The following ANKRD28 variants were observed in gnomAD, a reference collection of about 807,000 sequenced individuals.
ANKRD28 encodes the protein serine/threonine-protein phosphatase 6 regulatory ankyrin repeat subunit A.
Under a neutral mutation model 126.5 loss-of-function variants are expected in ANKRD28, and 44 were observed. The observed-to-expected ratio is 0.35, with a 90% CI of 0.27 to 0.45. The LOEUF is 0.45. Ranked by LOEUF, ANKRD28 falls within the 20% of genes least tolerant of loss-of-function variation. The pLI, the probability that ANKRD28 is intolerant of heterozygous loss-of-function variation, is 1.00. For missense variants in ANKRD28, 1,110 were observed against 1,316.6 expected (o/e 0.84, Z 2.43); for synonymous variants, 442 against 468.5 (o/e 0.94, Z 0.73).
intron 4 of ANKRD28, among the ~76,000 whole-genome samples, chr3:15,751,197 A>G: frequency 6.6e-6 from 1 of 152,218 alleles, no homozygotes; most frequent in East Asian, 1.9e-4. Flanking sequence ...GCAAATAATG[A>G]ACATTTTCTA....
At chr3:15,811,597 G>GTA (rs1273784170) in intron 1 of ANKRD28, among the ~76,000 whole-genome samples, 2 of 151,964 alleles carry the variant, frequency 1.3e-5, no homozygotes, top group African/African-American at 4.8e-5. Flanking sequence ...TGGGACTGCA[G>GTA]GTGCACGCCA....
At chr3:15,805,227 A>C (rs1301710696) in intron 1 of ANKRD28, among the ~76,000 whole-genome samples, 2 of 115,538 alleles carry the variant, frequency 1.7e-5, no homozygotes, top group African/African-American at 7.1e-5. Context: ...GAATACACCT[A>C]ATATGCCAAA....
chr3:15,768,230 A>G (rs1304421700), intron 2 of ANKRD28, among the ~76,000 whole-genome samples: 1 of 152,226 alleles, frequency 6.6e-6, no homozygotes, highest in Non-Finnish European at 1.5e-5. Context: ...TTCATTTTGT[A>G]ATAATTTTCT....
chr3:15,682,916 C>A (rs2067691648), intron 21 of ANKRD28, among the ~76,000 whole-genome samples: 1 of 152,196 alleles, frequency 6.6e-6, no homozygotes. Context: ...GGCTGAAAAT[C>A]AGACACATTT....
chr3:15,728,762 G>A (rs145182978), intron 6 of ANKRD28, among the ~76,000 whole-genome samples: 207 of 152,294 alleles, frequency 1.4e-3, no homozygotes, highest in African/African-American at 4.8e-3. Context: ...TCTTCAGAAT[G>A]TTAGCTCTTT....
chr3:15,750,346 AACATT>A (rs2057780957), intron 4 of ANKRD28, among the ~76,000 whole-genome samples: 1 of 152,252 alleles, frequency 6.6e-6, no homozygotes, highest in African/African-American at 2.4e-5. Context: ...CAAAATTAAT[AACATT>A]ACAATGGAAT....
chr3:15,783,031 GT>G (rs922073310), intron 2 of ANKRD28, among the ~76,000 whole-genome samples: 3 of 150,852 alleles, frequency 2.0e-5, no homozygotes, highest in Non-Finnish European at 3.0e-5. Context: ...CAATGGGACA[GT>G]TTTTTTTTAA....
intron 3 of ANKRD28, among the ~76,000 whole-genome samples, chr3:15,755,663 A>AC (rs1403857585): frequency 6.6e-6 from 1 of 152,202 alleles, no homozygotes; most frequent in Non-Finnish European, 1.5e-5. Flanking sequence ...GAGAAACCAT[A>AC]CCCACTTAAA....
At position 15,670,362 on chromosome 3, in the gene ANKRD28, A is replaced by G; in HGVS notation, c.3160T>C (p.Ser1054Pro). Residue 1054 changes from serine to proline, a missense_variant, in exon 28 of 28, where the codon TCC becomes CCC. Coordinates refer to ENST00000683139, the MANE Select transcript of ANKRD28 (RefSeq NM_001349278.2). ...CCAATGTTATTGAAACTGCAATAGG[A>G]GCTAGGTTCATTCCTCATGATGGGC... ...ALPIMRNEPS[S>P]YCSFNNIGGE... The G allele has an allele frequency of 1.2e-6, 2 of 1,613,956 alleles. No individual in the cohort carries two copies. Among genetic ancestry groups the G allele is most frequent in the Non-Finnish European group, 1.7e-6 (2 of 1,179,836 alleles).
chr3:15,768,940 G>A (rs1382033822), intron 2 of ANKRD28, among the ~76,000 whole-genome samples: 4 of 152,148 alleles, frequency 2.6e-5, no homozygotes, highest in Admixed American at 2.0e-4. Context: ...TGTTGAAAGA[G>A]CTAACACAGA....
intron 21 of ANKRD28, among the ~76,000 whole-genome samples, chr3:15,680,951 G>A (rs1008903528): frequency 3.3e-5 from 5 of 152,158 alleles, no homozygotes; most frequent in African/African-American, 4.8e-5. Context: ...ACAGGCATAA[G>A]CCACCACGGC....
Position 15,814,235 on chromosome 3 carries a change from C to T in ANKRD28, c.28-18929G>A. 1 of 1,231,198 alleles carries T rather than the reference C, an allele frequency of 8.1e-7. No homozygotes were observed. Among genetic ancestry groups the T allele is most frequent in the Non-Finnish European group, 1.0e-6 (1 of 966,270 alleles). 76.3% of individuals were successfully genotyped at this position (1,231,198 alleles called of 1,614,324 possible). Reference sequence around the variant, plus strand: ...ACTGCAAGAGACTACTAGAAAATAACCTACCATAATAGGAATTCCCATACT... The same window carrying T: ...ACTGCAAGAGACTACTAGAAAATAATCTACCATAATAGGAATTCCCATACT... On this transcript the variant is annotated intron_variant, in intron 1 of 27. Transcript: ENST00000399451. The surrounding 1 kb of genome is among the most constrained non-coding windows in gnomAD (Gnocchi z 4.7).
chr3:15,698,326 G>C (rs1195966084), intron 14 of ANKRD28, among the ~76,000 whole-genome samples: 1 of 152,096 alleles, frequency 6.6e-6, no homozygotes, highest in Non-Finnish European at 1.5e-5. Context: ...TTGAAAACTG[G>C]CACAAGACAG....
At chr3:15,744,594 G>C (rs1424973831) in intron 4 of ANKRD28, among the ~76,000 whole-genome samples, 1 of 151,890 alleles carries the variant, frequency 6.6e-6, no homozygotes, top group Non-Finnish European at 1.5e-5. Flanking sequence ...TGGGATTCCA[G>C]GCGTGAGCCA....
intron 4 of ANKRD28, among the ~76,000 whole-genome samples, chr3:15,740,708 G>A (rs907312543): frequency 2.0e-5 from 3 of 152,188 alleles, no homozygotes; most frequent in Non-Finnish European, 4.4e-5. Flanking sequence ...AAATACTTAT[G>A]TTCCATTAGT....
rs139793133 is a variant in ANKRD28, at chr3:15,703,841, A to G, written c.1547+4083T>C. Among the ~76,000 whole-genome samples the G allele has an allele frequency of 1.2e-4, 19 of 152,350 alleles. No homozygotes were observed. The East Asian group carries it at 3.1e-3, about 25-fold the overall frequency. On this transcript the variant is annotated intron_variant, in intron 14 of 27. Transcript: ENST00000683139. ...CCCATAAAATATTTTAAAAAATTAT[A>G]TATGATATAGAAAAGGCTTTATAAC...
At chr3:15,824,834 T>C (rs575481183) in intron 1 of ANKRD28, among the ~76,000 whole-genome samples, 1 of 152,186 alleles carries the variant, frequency 6.6e-6, no homozygotes. Flanking sequence ...GCATTCCTAA[T>C]AGAGGGCAGG....
At chr3:15,706,453 T>A (rs1472472378) in intron 14 of ANKRD28, among the ~76,000 whole-genome samples, 1 of 152,234 alleles carries the variant, frequency 6.6e-6, no homozygotes, top group Non-Finnish European at 1.5e-5. Context: ...TATTCCATGA[T>A]GTATATGTGC....
At chr3:15,856,347 T>G (rs1292494410) in intron 1 of ANKRD28, among the ~76,000 whole-genome samples, 1 of 152,238 alleles carries the variant, frequency 6.6e-6, no homozygotes, top group East Asian at 1.9e-4. Context: ...AATTACCATT[T>G]AGCTTACTGG....
Sources: gnomAD v4.1 joint callset for allele counts (sites outside exome capture counted in the v4.1 genomes callset) on GRCh38, gnomAD v4.1.1 for gene constraint, Gnocchi (gnomAD v3.1) non-coding constraint, MANE v1.5 for transcripts, NCBI Gene and HGNC (gene_info 2026-07-23, HGNC 2026-07-21) for gene names.